MAPKBP1: variants seen among roughly 807,000 people sequenced by gnomAD.
MAPKBP1 encodes the protein mitogen-activated protein kinase binding protein 1.
A neutral mutation model predicts 170.5 loss-of-function variants in MAPKBP1; 71 were observed. The observed-to-expected ratio is 0.42, with a 90% CI of 0.34 to 0.51. The LOEUF (loss-of-function observed/expected upper bound fraction) is 0.51. Among genes scored for constraint, MAPKBP1 ranks in the 20% least tolerant of loss-of-function variants. The pLI is 0.06. For missense variants in MAPKBP1, 1,598 were observed against 1,933.0 expected (o/e 0.83, Z 3.25); for synonymous variants, 719 against 757.9 (o/e 0.95, Z 0.84).
intron 24 of MAPKBP1, 79 bp from the exon 25 acceptor site, chr15:41,821,886 G>T: frequency 6.4e-7 from 1 of 1,574,416 alleles, no homozygotes; most frequent in Non-Finnish European, 8.6e-7. Context: ...CCCTCACCCT[G>T]ATCACAGGCA....
chr15:41,823,319 C>G, intron 28 of MAPKBP1, 97 bp downstream of exon 28: 1 of 1,545,506 alleles, frequency 6.5e-7, no homozygotes, highest in Non-Finnish European at 8.7e-7. Context: ...TGATGTGCCA[C>G]TGTGCTGGCC....
chr15:41,803,986 A>G (rs1020313629), intron 3 of MAPKBP1, among the ~76,000 whole-genome samples: 1 of 152,070 alleles, frequency 6.6e-6, no homozygotes, highest in Admixed American at 6.5e-5. Context: ...GATTACAGGC[A>G]TGCGCCATCA....
In MAPKBP1 at chr15:41,825,322, C is replaced by T; in HGVS notation, c.4413C>T (p.Ser1471=). The change falls in exon 31 of 31, where the codon TCC becomes TCT. Residue 1471 remains serine, a synonymous_variant. Coordinates refer to ENST00000457542, the MANE Select transcript of MAPKBP1 (RefSeq NM_014994.3). ...ELEAVAGAVL[S]SPGSSPGAVG... ...AAGCTGTGGCTGGGGCAGTGCTGTC[C>T]AGCCCAGGCAGCAGCCCTGGGGCTG... The T allele has an allele frequency of 6.2e-7, 1 of 1,613,276 alleles. No homozygotes were observed. The highest frequency in any genetic ancestry group is 8.5e-7 in the Non-Finnish European group (1 of 1,179,956).
intron 3 of MAPKBP1, among the ~76,000 whole-genome samples, chr15:41,807,418 A>T (rs2152076504): frequency 6.6e-6 from 1 of 152,352 alleles, no homozygotes. Context: ...AAACTCATAA[A>T]CTTGCAAATA....
At position 41,811,213 on chromosome 15, in the gene MAPKBP1, G is replaced by C. The variant is rs765034175; in HGVS notation, c.305G>C (p.Gly102Ala). ...ACTGCCCTTGCCTTCTCCCCTGATG[G>C]CAAGTACTTGGTCACTGGAGAGGTG... ...TITALAFSPD[G>A]KYLVTGESGH... The change falls in exon 5 of 31, where the codon GGC (glycine) becomes GCC (alanine). Residue 102 changes from glycine to alanine, a missense_variant. This residue lies in a region of MAPKBP1 where 151 missense variants were observed against 191.4 expected (regional missense o/e 0.79). Coordinates refer to ENST00000457542, the MANE Select transcript of MAPKBP1 (RefSeq NM_014994.3). 1 of 1,614,250 alleles carries C rather than the reference G, an allele frequency of 6.2e-7. No individual in the cohort carries two copies. Among genetic ancestry groups the C allele is most frequent in the Non-Finnish European group, 8.5e-7 (1 of 1,180,054 alleles).
intron 22 of MAPKBP1, among the ~76,000 whole-genome samples, chr15:41,820,558 G>A (rs773181156): frequency 2.6e-5 from 4 of 152,116 alleles, no homozygotes; most frequent in Admixed American, 6.5e-5. Flanking sequence ...CAGAGGATGC[G>A]GAATGCAGCT....
intron 2 of MAPKBP1, among the ~76,000 whole-genome samples, chr15:41,797,417 G>T (rs2064510255): frequency 6.6e-6 from 1 of 152,184 alleles, no homozygotes; most frequent in Non-Finnish European, 1.5e-5. Flanking sequence ...TCTCTTTCCT[G>T]TCTGCAGAAG....
At chr15:41,800,008 G>A in intron 3 of MAPKBP1, 94 bp downstream of exon 3, 1 of 1,014,386 alleles carries the variant, frequency 9.9e-7, no homozygotes, top group Non-Finnish European at 1.6e-6. Context: ...GTATCTTCTG[G>A]AAGATAGATA....
At chr15:41,802,608 G>A (rs1243220326) in intron 3 of MAPKBP1, among the ~76,000 whole-genome samples, 2 of 152,080 alleles carry the variant, frequency 1.3e-5, no homozygotes, top group East Asian at 1.9e-4. Context: ...TGAGTAGTTG[G>A]GATTACAGGC....
At chr15:41,804,015 T>G (rs1347017281) in intron 3 of MAPKBP1, among the ~76,000 whole-genome samples, 1 of 152,130 alleles carries the variant, frequency 6.6e-6, no homozygotes, top group Non-Finnish European at 1.5e-5. Context: ...TAATTTTGTA[T>G]TTTTAGTAGA....
chr15:41,816,273 G>T, intron 12 of MAPKBP1: 1 of 454,494 alleles, frequency 2.2e-6, no homozygotes, highest in Non-Finnish European at 3.9e-6. Flanking sequence ...CAAGAAAAAG[G>T]ACATAGTAGG....
At chr15:41,822,834 G>T in intron 27 of MAPKBP1, 105 bp from the exon 28 acceptor site, 1 of 1,489,208 alleles carries the variant, frequency 6.7e-7, no homozygotes, top group Non-Finnish European at 9.1e-7. Context: ...ATCTGGCTTT[G>T]TGCTTGTTCT....
rs541702893 is a variant in MAPKBP1 at position 41,789,394 on chromosome 15, G to A, written c.115-10429G>A. On this transcript the variant is annotated intron_variant, in intron 2 of 30. Transcript: ENST00000457542. ...TGATAACTGTGGAAGAGAAAGAGAG[G>A]GCAGAAGGGCTGTACCAGGCACTGT... Among the ~76,000 whole-genome samples, 4 of 152,252 alleles carry A rather than the reference G, an allele frequency of 2.6e-5. No homozygotes were observed. In the South Asian group the frequency reaches 6.2e-4, roughly 24 times the overall value.
At position 41,817,415 on chromosome 15, in the gene MAPKBP1, G is replaced by T; in HGVS notation, c.1739G>T (p.Ser580Ile). Reference sequence around the variant, plus strand: ...AGTGATGGGCAAGTCCGCATGATCAGCTGTGGAGCAGACAAGAGCATCTAC... The same window carrying T: ...AGTGATGGGCAAGTCCGCATGATCATCTGTGGAGCAGACAAGAGCATCTAC... ...AASDGQVRMI[S>I]CGADKSIYFR... is the part of the protein sequence containing the mutation. Residue 580 changes from serine to isoleucine, a missense_variant, in exon 15 of 31, where the codon AGC (serine) becomes ATC (isoleucine). Around this residue, in one of 6 missense-constraint regions of MAPKBP1, gnomAD observed 430 missense variants for 617.2 expected, o/e 0.70. Transcript: ENST00000457542. The surrounding 1 kb of genome is among the most constrained non-coding windows in gnomAD (Gnocchi z 4.2). 6.2e-7 allele frequency: 1 copy of T among 1,614,218 alleles called. No homozygotes were observed. Among genetic ancestry groups the T allele is most frequent in the Non-Finnish European group, 8.5e-7 (1 of 1,180,036 alleles).
intron 2 of MAPKBP1, among the ~76,000 whole-genome samples, chr15:41,798,943 A>G (rs1334385528): frequency 6.6e-6 from 1 of 152,196 alleles, no homozygotes; most frequent in Admixed American, 6.5e-5. Flanking sequence ...AGCAAGTGAA[A>G]GACCCAGAGC....
At chr15:41,806,167 G>T (rs1481752611) in intron 3 of MAPKBP1, among the ~76,000 whole-genome samples, 3 of 152,242 alleles carry the variant, frequency 2.0e-5, no homozygotes, top group African/African-American at 7.2e-5. Context: ...AGTCTGGTGT[G>T]TGAAGATGGA....
At chr15:41,814,476 C>A in intron 9 of MAPKBP1, 74 bp from the exon 10 acceptor site, 1 of 1,459,286 alleles carries the variant, frequency 6.9e-7, no homozygotes, top group Non-Finnish European at 9.4e-7. Context: ...TCACACACTG[C>A]TCCTTCCATT....
At chr15:41,796,765 A>G (rs929128573) in intron 2 of MAPKBP1, among the ~76,000 whole-genome samples, 3 of 152,198 alleles carry the variant, frequency 2.0e-5, no homozygotes, top group Non-Finnish European at 4.4e-5. Flanking sequence ...AAAATGACTA[A>G]GGAACACAAA....
At chr15:41,810,087 G>A (rs12440605) in intron 3 of MAPKBP1, among the ~76,000 whole-genome samples, 74,706 of 152,080 alleles carry the variant, frequency 0.49, 18,716 homozygotes, top group Admixed American at 0.53. Context: ...GCTCTTGCCA[G>A]GTACACACGT....
Sources: gnomAD v4.1 joint callset for allele counts (sites outside exome capture counted in the v4.1 genomes callset) on GRCh38, gnomAD v4.1.1 for gene constraint, gnomAD v4.1.1 regional missense constraint, Gnocchi (gnomAD v3.1) non-coding constraint, MANE v1.5 for transcripts, NCBI Gene and HGNC (gene_info 2026-07-23, HGNC 2026-07-21) for gene names.